CDK6: variants seen among roughly 807,000 people sequenced by gnomAD.
CDK6 encodes the protein cyclin dependent kinase 6.
A neutral mutation model predicts 37.1 loss-of-function variants in CDK6; 6 were observed. The ratio of observed to expected loss-of-function variants is 0.16; its 90% CI spans 0.09 to 0.32. The LOEUF (loss-of-function observed/expected upper bound fraction) is 0.32. Ranked by LOEUF, CDK6 falls within the 10% of genes least tolerant of loss-of-function variation. CDK6 has a pLI of 1.00. For missense variants in CDK6, 224 were observed against 418.9 expected (o/e 0.53, Z 4.06); for synonymous variants, 160 against 161.3 (o/e 0.99, Z 0.06).
chr7:92,822,957 CCTTAA>C (rs755151853), intron 2 of CDK6, among the ~76,000 whole-genome samples: 10 of 151,934 alleles, frequency 6.6e-5, no homozygotes, highest in African/African-American at 2.4e-4. Context: ...CTCATTGCTA[CCTTAA>C]CTTAGCTTAT....
chr7:92,659,438 C>T (rs546920251), intron 5 of CDK6, among the ~76,000 whole-genome samples: 61 of 152,142 alleles, frequency 4.0e-4, no homozygotes, highest in Non-Finnish European at 7.8e-4. Flanking sequence ...AAAAGTAATT[C>T]GACTTGTTTC....
Position 92,710,048 on chromosome 7 carries a change from T to A in CDK6, c.537+15578A>T, listed in dbSNP as rs1056700326. Among the ~76,000 whole-genome samples, 5 of 152,218 alleles carry A rather than the reference T, an allele frequency of 3.3e-5. No homozygotes were observed. In the East Asian group the frequency reaches 9.6e-4, roughly 29 times the overall value. Reference sequence around the variant, plus strand: ...TCTGAAAGAAACCAACAGCAGATGTTCCTACCTATACAGTGGCCCTGCTGC... The same window carrying A: ...TCTGAAAGAAACCAACAGCAGATGTACCTACCTATACAGTGGCCCTGCTGC... On this transcript the variant is annotated intron_variant, in intron 4 of 7. Transcript: ENST00000424848.
At chr7:92,722,032 T>C (rs1798380498) in intron 4 of CDK6, among the ~76,000 whole-genome samples, 1 of 152,170 alleles carries the variant, frequency 6.6e-6, no homozygotes, top group African/African-American at 2.4e-5. Flanking sequence ...CAGGTGATCA[T>C]GAACTTAAAA....
At chr7:92,741,317 C>T (rs780002182) in intron 3 of CDK6, among the ~76,000 whole-genome samples, 3 of 152,154 alleles carry the variant, frequency 2.0e-5, no homozygotes, top group African/African-American at 4.8e-5. Flanking sequence ...CCAGATAAAA[C>T]GTAGGACACT....
At chr7:92,747,180 T>G (rs1799080956) in intron 3 of CDK6, among the ~76,000 whole-genome samples, 1 of 152,322 alleles carries the variant, frequency 6.6e-6, no homozygotes, top group Middle Eastern at 3.4e-3. Flanking sequence ...TTTCTGCTTT[T>G]CCTTTACTCC....
At chr7:92,663,623 C>A (rs1796886017) in intron 5 of CDK6, among the ~76,000 whole-genome samples, 1 of 151,684 alleles carries the variant, frequency 6.6e-6, no homozygotes, top group Non-Finnish European at 1.5e-5. Context: ...ATTGCTTGAA[C>A]CCAGGAGGCG....
At chr7:92,737,898 A>C (rs1798824574) in intron 3 of CDK6, among the ~76,000 whole-genome samples, 1 of 152,214 alleles carries the variant, frequency 6.6e-6, no homozygotes, top group Non-Finnish European at 1.5e-5. Context: ...TGAAAAAGAA[A>C]AGAAACCCTT....
At chr7:92,759,103 C>T (rs1374937334) in intron 3 of CDK6, among the ~76,000 whole-genome samples, 1 of 152,160 alleles carries the variant, frequency 6.6e-6, no homozygotes, top group African/African-American at 2.4e-5. Context: ...TTTTAAAAGG[C>T]AATCCAGCAA....
chr7:92,687,065 T>C (rs527801767), intron 4 of CDK6, among the ~76,000 whole-genome samples: 2 of 152,280 alleles, frequency 1.3e-5, no homozygotes, highest in East Asian at 3.9e-4. Context: ...AAAAGTACTT[T>C]TAAATCACTA....
At chr7:92,687,366 A>C (rs907052823) in intron 4 of CDK6, among the ~76,000 whole-genome samples, 3 of 152,228 alleles carry the variant, frequency 2.0e-5, no homozygotes, top group Non-Finnish European at 4.4e-5. Flanking sequence ...CACGGCAAGC[A>C]TTCAATGACT....
At chr7:92,719,723 G>A (rs531777059) in intron 4 of CDK6, among the ~76,000 whole-genome samples, 4 of 152,210 alleles carry the variant, frequency 2.6e-5, no homozygotes, top group African/African-American at 9.6e-5. Context: ...TTGTATAAAG[G>A]CCCCAAAAAT....
intron 4 of CDK6, 137 bp from the exon 5 acceptor site, chr7:92,671,672 G>A (rs1449779636): frequency 2.3e-6 from 1 of 429,016 alleles, no homozygotes; most frequent in Non-Finnish European, 4.2e-6. Context: ...TGCGCTAGAA[G>A]CAATAGGTAA....
chr7:92,761,631 T>C (rs1308616587), intron 3 of CDK6, among the ~76,000 whole-genome samples: 2 of 152,204 alleles, frequency 1.3e-5, no homozygotes, highest in East Asian at 3.8e-4. Context: ...AAACTGTATA[T>C]TCTAAATGTG....
chr7:92,832,389 T>C (rs1801510824), intron 2 of CDK6, among the ~76,000 whole-genome samples: 1 of 152,186 alleles, frequency 6.6e-6, no homozygotes. Context: ...ATTTAACCCT[T>C]TGGAGAATTA....
rs1799916494 is a variant in CDK6 at position 92,778,945 on chromosome 7, AT to A, written c.234-4115del. The stretch of plus-strand genomic sequence containing the variant: ...TTATCATATATATATATATATATAT[AT>A]AAGATATTATAGTAATTTCCAAAAG... On this transcript the variant is annotated intron_variant, in intron 2 of 7. Transcript: ENST00000424848. 6.9e-5 allele frequency among the ~76,000 whole-genome samples: 10 copies of A among 145,148 alleles called. No individual in the cohort carries two copies. The South Asian group carries it at 1.5e-3, about 22-fold the overall frequency.
At chr7:92,687,987 AT>A (rs1455519302) in intron 4 of CDK6, among the ~76,000 whole-genome samples, 2 of 152,214 alleles carry the variant, frequency 1.3e-5, no homozygotes, top group African/African-American at 4.8e-5. Flanking sequence ...GCTGTGTAGT[AT>A]TCCATTGCAT....
intron 3 of CDK6, among the ~76,000 whole-genome samples, chr7:92,745,084 T>C (rs1799027645): frequency 6.6e-6 from 1 of 152,196 alleles, no homozygotes; most frequent in Non-Finnish European, 1.5e-5. Flanking sequence ...TTTTATCGAA[T>C]CTAAATCTTA....
intron 4 of CDK6, among the ~76,000 whole-genome samples, chr7:92,681,174 T>C (rs1429945613): frequency 2.0e-5 from 3 of 152,202 alleles, no homozygotes; most frequent in Non-Finnish European, 2.9e-5. Context: ...GAAATGATCC[T>C]GTGGAGGGAA....
rs79409840 is a variant in CDK6, at chr7:92,642,199, C to T, written c.648-19113G>A. ...TGTGGAGGAGTCAGCTGACCCCACG[C>T]CTTGACCCCAGAGCCCTGCATAGTT... On this transcript the variant is annotated intron_variant, in intron 5 of 7. Transcript: ENST00000424848. Among the ~76,000 whole-genome samples, 303 of 152,276 alleles carry T rather than the reference C, an allele frequency of 2.0e-3. 2 individuals are homozygous for T. Among genetic ancestry groups the T allele is most frequent in the African/African-American group, 5.9e-3 (244 of 41,538 alleles).
Sources: allele counts gnomAD v4.1 joint callset (sites outside exome capture counted in the v4.1 genomes callset), GRCh38; gene constraint gnomAD v4.1.1; transcripts MANE v1.5; gene names NCBI Gene and HGNC (gene_info 2026-07-23, HGNC 2026-07-21).